NME9: variants seen among roughly 807,000 people sequenced by gnomAD.
NME9 encodes NME/NM23 family member 9, also known as thioredoxin domain-containing protein 6.
A neutral mutation model predicts 44.4 loss-of-function variants in NME9; 48 were observed. That is an observed-to-expected ratio of 1.08 (90% confidence interval 0.86 to 1.37). The LOEUF (loss-of-function observed/expected upper bound fraction) is 1.37, where lower values mean the gene tolerates loss of function less well. Ranked by LOEUF, NME9 falls within the 40% of genes most tolerant of loss-of-function variation. NME9 has a pLI of 0.00. For synonymous variants in NME9, 139 were observed against 147.1 expected, an observed-to-expected ratio of 0.94 and a Z score of 0.40; for missense variants, 325 against 405.2, an observed-to-expected ratio of 0.80 and a Z score of 1.70.
chr3:138,279,599 T>C (rs1021464478), intron 8 of NME9, among the ~76,000 whole-genome samples: 11 of 152,164 alleles, frequency 7.2e-5, no homozygotes, highest in African/African-American at 2.7e-4. Flanking sequence ...TCTGCAAAAA[T>C]TTGTGAAGAA....
intron 2 of NME9, among the ~76,000 whole-genome samples, chr3:138,322,485 G>GGGGTGT (rs2053530271): frequency 1.4e-5 from 2 of 146,330 alleles, no homozygotes; most frequent in African/African-American, 5.0e-5. Context: ...AAGAAAAAGG[G>GGGGTGT]GTGTGTGTGT....
intron 8 of NME9, chr3:138,295,916 G>T: frequency 6.2e-7 from 1 of 1,612,228 alleles, no homozygotes; most frequent in Non-Finnish European, 8.5e-7. Context: ...GGGCACCTGC[G>T]AGCATCCCAC....
chr3:138,303,984 G>T (rs1374031592), intron 9 of NME9, among the ~76,000 whole-genome samples: 2 of 152,144 alleles, frequency 1.3e-5, no homozygotes, highest in East Asian at 1.9e-4. Flanking sequence ...ACTACCAAAG[G>T]CTAGCACCAT....
At chr3:138,322,368 C>T (rs998149086) in intron 2 of NME9, among the ~76,000 whole-genome samples, 12 of 1,796 alleles carry the variant, frequency 6.7e-3, no homozygotes, top group Non-Finnish European at 6.1e-3. Context: ...ATGGAGGAAG[C>T]GGGGGTGGGG....
chr3:138,305,951 T>C (rs1332799501), intron 8 of NME9, 53 bp downstream of exon 8: 9 of 1,165,798 alleles, frequency 7.7e-6, no homozygotes, highest in Non-Finnish European at 1.2e-5. Context: ...AAGCATAATG[T>C]TGGAGGAAGA....
intron 8 of NME9, among the ~76,000 whole-genome samples, chr3:138,277,090 A>G (rs1305419058): frequency 6.6e-6 from 1 of 152,202 alleles, no homozygotes; most frequent in Non-Finnish European, 1.5e-5. Context: ...ATATCGACCA[A>G]TGGAACAGAC....
chr3:138,283,061 G>GAATA (rs1233444115), intron 8 of NME9, among the ~76,000 whole-genome samples: 1 of 152,138 alleles, frequency 6.6e-6, no homozygotes, highest in Non-Finnish European at 1.5e-5. Context: ...AACTGCCCTG[G>GAATA]AATAAATAGT....
chr3:138,298,789 G>A (rs535460940), downstream of NME9, among the ~76,000 whole-genome samples: 4 of 152,280 alleles, frequency 2.6e-5, no homozygotes, highest in African/African-American at 4.8e-5. Context: ...CGTCTACTAC[G>A]CACTGCCACC....
intron 6 of NME9, among the ~76,000 whole-genome samples, chr3:138,313,602 T>C (rs748703842): frequency 1.3e-5 from 2 of 152,160 alleles, no homozygotes; most frequent in Non-Finnish European, 2.9e-5. Context: ...TCAAGAGATA[T>C]CTGCACTCCC....
At chr3:138,291,290 T>C (rs1474674965) in intron 8 of NME9, among the ~76,000 whole-genome samples, 1 of 152,216 alleles carries the variant, frequency 6.6e-6, no homozygotes, top group Non-Finnish European at 1.5e-5. Flanking sequence ...ATGGTCTGGC[T>C]CTGCCTTTCT....
At chr3:138,289,318 C>T (rs1015470999) in intron 8 of NME9, among the ~76,000 whole-genome samples, 1 of 152,056 alleles carries the variant, frequency 6.6e-6, no homozygotes, top group South Asian at 2.1e-4. Flanking sequence ...CTGAGTGCCC[C>T]GTTGGAGCCA....
chr3:138,284,293 G>A (rs1287477991), intron 8 of NME9: 2 of 666,406 alleles, frequency 3.0e-6, no homozygotes, highest in Non-Finnish European at 5.4e-6. Context: ...GATGTCAGCA[G>A]ATGAGAAATC....
exon 9 of NME9, chr3:138,261,688 T>G (rs1231149877): frequency 6.6e-6 from 1 of 152,202 alleles, no homozygotes; most frequent in Non-Finnish European, 1.5e-5. Flanking sequence ...CTTAAACGTC[T>G]TTTAAACAGG....
chr3:138,281,232 G>A (rs1243988647), intron 8 of NME9, among the ~76,000 whole-genome samples: 2 of 151,674 alleles, frequency 1.3e-5, no homozygotes, highest in Non-Finnish European at 2.9e-5. Context: ...GTGTGTGTGT[G>A]TGTAGTTTTT....
At chr3:138,276,561 C>G (rs886088971) in intron 8 of NME9, among the ~76,000 whole-genome samples, 11 of 152,086 alleles carry the variant, frequency 7.2e-5, no homozygotes, top group African/African-American at 2.4e-4. Flanking sequence ...ACCAAAAATT[C>G]TAGAACTAAT....
chr3:138,321,652 C>T (rs929478198), intron 2 of NME9, among the ~76,000 whole-genome samples: 2 of 152,104 alleles, frequency 1.3e-5, no homozygotes, highest in African/African-American at 4.8e-5. Context: ...CAGCAGTGTT[C>T]ATTGGTTTAG....
exon 9 of NME9, chr3:138,262,569 G>A (rs765092119): frequency 1.2e-6 from 2 of 1,611,738 alleles, no homozygotes; most frequent in South Asian, 1.1e-5. Flanking sequence ...TTCAACCTTG[G>A]CTGTGTACTG....
At chr3:138,263,786 T>C in intron 8 of NME9, 1 of 1,614,044 alleles carries the variant, frequency 6.2e-7, no homozygotes. Context: ...CTGGCTTGTC[T>C]GAGTCTAGTG....
chr3:138,263,416 A>T (rs1447397809), intron 8 of NME9: 2 of 265,524 alleles, frequency 7.5e-6, no homozygotes, highest in Non-Finnish European at 1.5e-5. Context: ...GAGTTCATTT[A>T]TTTCTTTTCC....
Sources: gnomAD v4.1 joint callset for allele counts (sites outside exome capture counted in the v4.1 genomes callset) on GRCh38, gnomAD v4.1.1 for gene constraint, MANE v1.5 for transcripts, NCBI Gene and HGNC (gene_info 2026-07-23, HGNC 2026-07-21) for gene names.